The following BBX variants were observed in gnomAD, a reference collection of about 807,000 sequenced individuals.
BBX encodes the protein BBX high mobility group box domain containing, also known as HMG box transcription factor BBX.
A neutral mutation model predicts 100.2 loss-of-function variants in BBX; 30 were observed. That is an observed-to-expected ratio of 0.30 (90% CI 0.22 to 0.41). The LOEUF is 0.41. BBX is among the 10% of genes least tolerant of loss of function. BBX has a pLI of 1.00. For synonymous variants in BBX, 376 were observed against 388.1 expected (o/e 0.97, Z 0.37); for missense variants, 1,023 against 1,129.8 (o/e 0.91, Z 1.35).
chr3:107,716,409 C>G, intron 4 of BBX, 198 bp from the exon 5 acceptor site: 1 of 614,004 alleles, frequency 1.6e-6, no homozygotes, highest in Non-Finnish European at 2.8e-6. Flanking sequence ...GCTATAGAAA[C>G]TAAGCAGAAG....
At chr3:107,573,756 C>T (rs1352080752) in intron 2 of BBX, among the ~76,000 whole-genome samples, 5 of 152,022 alleles carry the variant, frequency 3.3e-5, no homozygotes, top group South Asian at 2.1e-4. Flanking sequence ...GGTAAGGTTT[C>T]GCTCTTGTTG....
chr3:107,539,313 A>T (rs1016869425), intron 2 of BBX, among the ~76,000 whole-genome samples: 2 of 152,226 alleles, frequency 1.3e-5, no homozygotes, highest in Non-Finnish European at 2.9e-5. Flanking sequence ...GTAGTGACAT[A>T]CATATACCAA....
Position 107,694,702 on chromosome 3 carries a change from G to T in BBX, c.-9-15750G>T, listed in dbSNP as rs1477592064. Among the ~76,000 whole-genome samples, 3 of 151,004 alleles carry T rather than the reference G, an allele frequency of 2.0e-5. No homozygotes were observed. In the East Asian group the frequency reaches 5.8e-4, roughly 29 times the overall value. ...CTGGCTTTGGTATCAGGATGATGCT[G>T]GCCTCATAAAATGAGTTAGGGAGGA... is the stretch of plus-strand genomic sequence containing the variant. On this transcript the variant is annotated intron_variant, in intron 3 of 17. Coordinates refer to ENST00000325805, the MANE Select transcript of BBX (RefSeq NM_001142568.3).
At chr3:107,586,425 CA>C (rs1231980086) in intron 2 of BBX, among the ~76,000 whole-genome samples, 5 of 152,004 alleles carry the variant, frequency 3.3e-5, no homozygotes, top group African/African-American at 4.8e-5. Context: ...ATGGACATAT[CA>C]GGGGTCACCT....
At chr3:107,778,600 C>G in intron 13 of BBX, 81 bp downstream of exon 13, 1 of 1,448,228 alleles carries the variant, frequency 6.9e-7, no homozygotes, top group Non-Finnish European at 9.4e-7. Flanking sequence ...TCCCTTTAGA[C>G]ATATCATTGG....
chr3:107,601,135 A>T (rs2054037243), intron 2 of BBX, among the ~76,000 whole-genome samples: 1 of 152,206 alleles, frequency 6.6e-6, no homozygotes, highest in South Asian at 2.1e-4. Flanking sequence ...CTGCACCCAT[A>T]CACAACTGCA....
At chr3:107,729,684 A>C (rs2063187041) in intron 6 of BBX, among the ~76,000 whole-genome samples, 1 of 152,212 alleles carries the variant, frequency 6.6e-6, no homozygotes, top group African/African-American at 2.4e-5. Flanking sequence ...CAGATTGAGC[A>C]GGAGAAAGGC....
At chr3:107,777,058 C>CATAAGTTTTAAATTTAA (rs1421316262) in intron 12 of BBX, among the ~76,000 whole-genome samples, 1 of 152,152 alleles carries the variant, frequency 6.6e-6, no homozygotes, top group Non-Finnish European at 1.5e-5. Context: ...CAGAAATAAA[C>CATAAGTTTTAAATTTAA]AACTCATAAG....
chr3:107,800,633 A>C (rs1029230475), intron 16 of BBX, among the ~76,000 whole-genome samples: 3 of 152,212 alleles, frequency 2.0e-5, no homozygotes, highest in African/African-American at 7.2e-5. Context: ...TGTGCTGTAT[A>C]GGCCATCCTA....
intron 3 of BBX, among the ~76,000 whole-genome samples, chr3:107,690,541 A>G (rs17811616): frequency 6.6e-6 from 1 of 152,036 alleles, no homozygotes; most frequent in African/African-American, 2.4e-5. Context: ...ATGGTTACCT[A>G]TCCCTAAAAT....
Position 107,744,703 on chromosome 3 carries a change from T to A in BBX, c.743T>A (p.Phe248Tyr). 3 of 1,612,270 alleles carry A rather than the reference T, an allele frequency of 1.9e-6. No homozygotes were observed. The highest frequency in any genetic ancestry group is 2.2e-5 in the South Asian group (2 of 91,034). ...ELRQKSPLFQ[F>Y]AEISSSTSHS... The stretch of plus-strand genomic sequence containing the variant: ...CGTCAGAAGTCACCATTGTTTCAGT[T>A]TGCCGAGGTAATATATTACAATTGA... Residue 248 changes from phenylalanine (F) to tyrosine (Y), a missense_variant, in exon 8 of 18, where the codon TTT becomes TAT. This residue lies in a region of BBX where 95 missense variants were observed against 95.1 expected (regional missense o/e 1.00). Coordinates refer to ENST00000325805, the MANE Select transcript of BBX (RefSeq NM_001142568.3).
At chr3:107,716,453 G>A in intron 4 of BBX, 154 bp from the exon 5 acceptor site, 1 of 891,536 alleles carries the variant, frequency 1.1e-6, no homozygotes, top group Non-Finnish European at 1.7e-6. Flanking sequence ...ACCATGAACA[G>A]TGGTTGTTGA....
intron 3 of BBX, among the ~76,000 whole-genome samples, chr3:107,669,459 T>C (rs1007105883): frequency 4.6e-5 from 7 of 150,816 alleles, no homozygotes; most frequent in African/African-American, 1.2e-4. Context: ...GGGTGGGGAG[T>C]GAGGTGGGAA....
At chr3:107,576,643 T>A (rs2051798067) in intron 2 of BBX, among the ~76,000 whole-genome samples, 1 of 152,174 alleles carries the variant, frequency 6.6e-6, no homozygotes, top group Non-Finnish European at 1.5e-5. Flanking sequence ...TCAATAAATT[T>A]GTGATGCAAA....
chr3:107,525,771 G>C (rs972755372), intron 1 of BBX, among the ~76,000 whole-genome samples: 1 of 152,152 alleles, frequency 6.6e-6, no homozygotes, highest in Non-Finnish European at 1.5e-5. Flanking sequence ...TTCCCTGGTC[G>C]GTTCCTATCT....
At chr3:107,659,125 A>G (rs529088269) in intron 3 of BBX, among the ~76,000 whole-genome samples, 1 of 151,938 alleles carries the variant, frequency 6.6e-6, no homozygotes, top group African/African-American at 2.4e-5. Flanking sequence ...TATATTTAAT[A>G]GTATTATATA....
At chr3:107,658,863 A>G (rs1218401407) in intron 3 of BBX, among the ~76,000 whole-genome samples, 1 of 152,176 alleles carries the variant, frequency 6.6e-6, no homozygotes, top group Non-Finnish European at 1.5e-5. Flanking sequence ...TGTTAAAAAC[A>G]GACCTGAGAT....
chr3:107,641,428 A>C (rs1206425015), intron 2 of BBX, among the ~76,000 whole-genome samples: 2 of 152,200 alleles, frequency 1.3e-5, no homozygotes. Flanking sequence ...AATATTAAGT[A>C]CTGAAGGGGA....
intron 2 of BBX, among the ~76,000 whole-genome samples, chr3:107,616,689 A>G (rs1438001504): frequency 2.6e-5 from 4 of 152,188 alleles, no homozygotes; most frequent in South Asian, 4.1e-4. Context: ...TTTATTTGCC[A>G]TCTATATCTC....
Sources: gnomAD v4.1 joint callset for allele counts (sites outside exome capture counted in the v4.1 genomes callset) on GRCh38, gnomAD v4.1.1 for gene constraint, gnomAD v4.1.1 regional missense constraint, MANE v1.5 for transcripts, NCBI Gene and HGNC (gene_info 2026-07-23, HGNC 2026-07-21) for gene names.